Variants in PDE8B observed in about 807,000 individuals in gnomAD.
PDE8B encodes high affinity cAMP-specific and IBMX-insensitive 3',5'-cyclic phosphodiesterase 8B.
Under a neutral mutation model 101.3 loss-of-function variants are expected in PDE8B, and 26 were observed. That is an observed-to-expected ratio of 0.26 (90% CI 0.19 to 0.36). The LOEUF (loss-of-function observed/expected upper bound fraction) is 0.36. Among genes scored for constraint, PDE8B ranks in the 10% least tolerant of loss-of-function variants. The probability of loss-of-function intolerance (pLI) is 1.00; values close to 1 mark genes in which losing one functional copy is unlikely to be tolerated. For synonymous variants in PDE8B, 424 were observed against 429.3 expected (o/e 0.99, Z 0.15); for missense variants, 810 against 1,163.1 (o/e 0.70, Z 4.42).
At chr5:77,137,047 T>C in the PDE8B span, among the ~76,000 whole-genome samples, 1 of 152,224 alleles carries the variant, frequency 6.6e-6, no homozygotes, top group African/African-American at 2.4e-5. Context: ...GATTTCATTC[T>C]CTGCAGGTTC....
At chr5:77,165,986 A>AC in the PDE8B span, among the ~76,000 whole-genome samples, 1 of 133,486 alleles carries the variant, frequency 7.5e-6, no homozygotes, top group Non-Finnish European at 1.7e-5. Context: ...AAAAAAAAAA[A>AC]AAAAAGAAAA....
At chr5:77,372,647 G>C (rs1048859055) in intron 10 of PDE8B, among the ~76,000 whole-genome samples, 10 of 152,198 alleles carry the variant, frequency 6.6e-5, no homozygotes, top group African/African-American at 2.4e-4. Context: ...CCATACAGGT[G>C]AGTTGTAGTT....
At chr5:77,398,057 G>A (rs996472991) in intron 10 of PDE8B, among the ~76,000 whole-genome samples, 4 of 151,984 alleles carry the variant, frequency 2.6e-5, no homozygotes, top group South Asian at 2.1e-4. Context: ...CTTTGATGCC[G>A]TCTGTTTTCC....
At chr5:77,397,149 C>T (rs1791250420) in intron 10 of PDE8B, among the ~76,000 whole-genome samples, 1 of 149,034 alleles carries the variant, frequency 6.7e-6, no homozygotes, top group South Asian at 2.1e-4. Context: ...TCTGTCTCAG[C>T]CTCCCGAGTA....
the PDE8B span, among the ~76,000 whole-genome samples, chr5:77,095,729 C>T: frequency 6.6e-6 from 1 of 152,156 alleles, no homozygotes; most frequent in Admixed American, 6.5e-5. Flanking sequence ...CATTTGTAAA[C>T]ATCTAATTTC....
intron 10 of PDE8B, among the ~76,000 whole-genome samples, chr5:77,395,549 C>T (rs1002006468): frequency 3.3e-5 from 5 of 151,694 alleles, no homozygotes; most frequent in Non-Finnish European, 5.9e-5. Flanking sequence ...ATTTTCACCT[C>T]GCTAGGATAA....
chr5:77,335,043 T>C (rs2150321086), intron 5 of PDE8B, among the ~76,000 whole-genome samples: 1 of 152,314 alleles, frequency 6.6e-6, no homozygotes, highest in African/African-American at 2.4e-5. Context: ...TTTCTTTCCA[T>C]TTTTTGCAAA....
chr5:77,363,602 C>A (rs1012731140), intron 10 of PDE8B, among the ~76,000 whole-genome samples: 1 of 151,844 alleles, frequency 6.6e-6, no homozygotes, highest in Non-Finnish European at 1.5e-5. Context: ...ATCCCAGCTT[C>A]TCAGAAGGCT....
intron 17 of PDE8B, among the ~76,000 whole-genome samples, chr5:77,415,663 T>G (rs1795387589): frequency 6.6e-6 from 1 of 152,052 alleles, no homozygotes; most frequent in South Asian, 2.1e-4. Flanking sequence ...CCAGCCAGGC[T>G]AAAATTCTTA....
At chr5:77,269,206 AT>A (rs1297960656) in intron 1 of PDE8B, among the ~76,000 whole-genome samples, 1 of 151,822 alleles carries the variant, frequency 6.6e-6, no homozygotes, top group African/African-American at 2.4e-5. Context: ...TGTAGTTTTC[AT>A]TTGCATTTCT....
intron 10 of PDE8B, among the ~76,000 whole-genome samples, chr5:77,367,983 G>A (rs959878202): frequency 6.6e-6 from 1 of 152,194 alleles, no homozygotes. Flanking sequence ...GATTGTCAGG[G>A]CCAATGAGGC....
At chr5:77,426,221 A>C in intron 21 of PDE8B, 1 of 606,858 alleles carries the variant, frequency 1.6e-6, no homozygotes, top group African/African-American at 1.9e-5. Flanking sequence ...TATTTAGTTT[A>C]CTCTGAATCA....
upstream of PDE8B, among the ~76,000 whole-genome samples, chr5:77,206,573 T>G (rs145739836): frequency 2.6e-3 from 394 of 152,282 alleles, no homozygotes; most frequent in African/African-American, 8.9e-3. Context: ...CAATGTTGGA[T>G]ATCCTGGAGA....
intron 1 of PDE8B, among the ~76,000 whole-genome samples, chr5:77,235,316 A>C (rs1754434160): frequency 6.6e-6 from 1 of 152,222 alleles, no homozygotes; most frequent in African/African-American, 2.4e-5. Context: ...TATATTATTC[A>C]ATTGATGAAA....
intron 19 of PDE8B, among the ~76,000 whole-genome samples, chr5:77,421,059 G>A (rs1581617927): frequency 6.6e-6 from 1 of 152,340 alleles, no homozygotes; most frequent in South Asian, 2.1e-4. Flanking sequence ...CAGGTTCTAT[G>A]TAAATGGCCT....
chr5:77,291,930 T>A, intron 1 of PDE8B: 1 of 812,954 alleles, frequency 1.2e-6, no homozygotes, highest in South Asian at 1.5e-5. Context: ...AATCCCCCTA[T>A]GACCCCAAAG....
chr5:77,283,248 C>A (rs67963672), intron 1 of PDE8B, among the ~76,000 whole-genome samples: 5,645 of 152,184 alleles, frequency 0.037, 136 homozygotes, highest in African/African-American at 0.059. Flanking sequence ...CACCACCCCC[C>A]ACTCCCTGGA....
intron 10 of PDE8B, among the ~76,000 whole-genome samples, chr5:77,359,499 T>G (rs17750688): frequency 0.25 from 37,542 of 152,032 alleles, 5,207 homozygotes; most frequent in East Asian, 0.46. Flanking sequence ...GATGGGGTTT[T>G]TTGACCCGTC....
chr5:77,098,194 A>G, the PDE8B span, among the ~76,000 whole-genome samples: 2 of 152,096 alleles, frequency 1.3e-5, no homozygotes, highest in Admixed American at 1.3e-4. Flanking sequence ...TCTTCATTTT[A>G]TACTGATGAT....
Sources: allele counts gnomAD v4.1 joint callset (sites outside exome capture counted in the v4.1 genomes callset), GRCh38; gene constraint gnomAD v4.1.1; transcripts MANE v1.5; gene names NCBI Gene and HGNC (gene_info 2026-07-23, HGNC 2026-07-21).